The following AFG1L variants were observed in gnomAD, a reference collection of about 807,000 sequenced individuals.
The protein encoded by AFG1L is AFG1 like ATPase, also known as AFG1-like ATPase.
A neutral mutation model predicts 62.2 loss-of-function variants in AFG1L; 53 were observed. The ratio of observed to expected loss-of-function variants is 0.85; its 90% CI spans 0.68 to 1.07. The LOEUF (loss-of-function observed/expected upper bound fraction) is 1.07, where lower values mean the gene tolerates loss of function less well. Ranked by LOEUF, AFG1L falls within the 50% of genes least tolerant of loss-of-function variation. The probability of loss-of-function intolerance (pLI) is 0.00; values close to 1 mark genes in which losing one functional copy is unlikely to be tolerated. For missense variants in AFG1L, 555 were observed against 590.5 expected (o/e 0.94, Z 0.62); for synonymous variants, 228 against 210.3 (o/e 1.08, Z -0.73).
At chr6:108,448,862 T>C (rs1411509318) in intron 8 of AFG1L, among the ~76,000 whole-genome samples, 1 of 152,064 alleles carries the variant, frequency 6.6e-6, no homozygotes, top group East Asian at 1.9e-4. Context: ...AGTATATAAA[T>C]TCAAAGGCCA....
At chr6:108,458,010 A>G (rs910057268) in intron 8 of AFG1L, among the ~76,000 whole-genome samples, 2 of 151,772 alleles carry the variant, frequency 1.3e-5, no homozygotes, top group African/African-American at 4.8e-5. Flanking sequence ...TGAAAAGTCT[A>G]CTGGCATTCT....
chr6:108,360,447 T>C (rs1382361651), intron 5 of AFG1L, among the ~76,000 whole-genome samples: 3 of 152,204 alleles, frequency 2.0e-5, no homozygotes, highest in Non-Finnish European at 4.4e-5. Flanking sequence ...TTTTTTTCTG[T>C]TCCCAATTAT....
intron 10 of AFG1L, among the ~76,000 whole-genome samples, chr6:108,486,303 T>C (rs910328173): frequency 6.6e-6 from 1 of 152,238 alleles, no homozygotes; most frequent in African/African-American, 2.4e-5. Context: ...GTTTGTTTCC[T>C]ATCATAGAGT....
At chr6:108,355,053 C>A (rs1392234541) in intron 3 of AFG1L, among the ~76,000 whole-genome samples, 3 of 151,506 alleles carry the variant, frequency 2.0e-5, no homozygotes, top group Non-Finnish European at 4.4e-5. Flanking sequence ...ATATATGATT[C>A]ATGTTCAATA....
At chr6:108,316,237 C>T (rs1432824912) in intron 1 of AFG1L, among the ~76,000 whole-genome samples, 2 of 149,318 alleles carry the variant, frequency 1.3e-5, no homozygotes. Context: ...AAAAATTAGC[C>T]GGGCGTAGTG....
At chr6:108,408,571 A>G (rs901141142) in intron 7 of AFG1L, among the ~76,000 whole-genome samples, 1 of 152,186 alleles carries the variant, frequency 6.6e-6, no homozygotes, top group African/African-American at 2.4e-5. Flanking sequence ...GCAGTCTAGA[A>G]ATTGCCTCTA....
intron 8 of AFG1L, among the ~76,000 whole-genome samples, chr6:108,459,387 A>G (rs1772370574): frequency 6.6e-6 from 1 of 152,082 alleles, no homozygotes; most frequent in Non-Finnish European, 1.5e-5. Context: ...GGCTGAACTG[A>G]TTTGTTTCCC....
chr6:108,386,468 A>AAAAAG (rs992699558), intron 6 of AFG1L, among the ~76,000 whole-genome samples: 109 of 152,240 alleles, frequency 7.2e-4, no homozygotes, highest in African/African-American at 2.3e-3. Context: ...TCTCAAAAAA[A>AAAAAG]AAAAGAAAAG....
chr6:108,354,336 T>C (rs1189062714), intron 3 of AFG1L, among the ~76,000 whole-genome samples: 2 of 150,972 alleles, frequency 1.3e-5, no homozygotes, highest in Admixed American at 1.3e-4. Flanking sequence ...TAAGATGGAG[T>C]CTCTCTCTTG....
At chr6:108,503,547 T>C (rs978696204) in intron 10 of AFG1L, among the ~76,000 whole-genome samples, 10 of 152,306 alleles carry the variant, frequency 6.6e-5, no homozygotes, top group African/African-American at 2.4e-4. Flanking sequence ...TATAAAAAGA[T>C]GTGCTGTCAT....
At chr6:108,484,669 G>C (rs1431457844) in intron 10 of AFG1L, among the ~76,000 whole-genome samples, 1 of 152,138 alleles carries the variant, frequency 6.6e-6, no homozygotes, top group Non-Finnish European at 1.5e-5. Context: ...CCTAGACCTA[G>C]CCTATTTCAC....
At position 108,524,501 on chromosome 6, in the gene AFG1L, C is replaced by T. The variant is rs1349415419; in HGVS notation, c.*2076C>T. ...AATGTTAGTTGGGGTGCTGGTCAAACGCATAGAAGCCTATGTAATTCTCAG... is the reference window on the plus strand; with the variant it reads ...AATGTTAGTTGGGGTGCTGGTCAAATGCATAGAAGCCTATGTAATTCTCAG... On this transcript the variant is annotated 3_prime_UTR_variant, in exon 13 of 13. Coordinates refer to ENST00000368977, the MANE Select transcript of AFG1L (RefSeq NM_145315.5). 1 of 152,190 alleles carries T rather than the reference C, an allele frequency of 6.6e-6. No homozygotes were observed. The highest frequency in any genetic ancestry group is 2.4e-5 in the African/African-American group (1 of 41,444). 9.4% of individuals were successfully genotyped at this position (152,190 alleles called of 1,614,324 possible). A position where few individuals can be genotyped will look rare whatever the true frequency, so the allele number is the denominator to read the frequency against.
chr6:108,373,702 G>A (rs1002234904), intron 6 of AFG1L, among the ~76,000 whole-genome samples: 5 of 151,042 alleles, frequency 3.3e-5, no homozygotes, highest in East Asian at 1.9e-4. Flanking sequence ...TCAGCCTCTC[G>A]AGTAGCTGGG....
chr6:108,445,534 T>A (rs1382873524), intron 7 of AFG1L, among the ~76,000 whole-genome samples: 1 of 152,134 alleles, frequency 6.6e-6, no homozygotes. Flanking sequence ...GAGAGATGTG[T>A]GACTCTTCCT....
At chr6:108,318,517 A>G (rs1409774223) in intron 1 of AFG1L, 1 of 158,368 alleles carries the variant, frequency 6.3e-6, no homozygotes, top group Non-Finnish European at 1.4e-5. Context: ...GCCTGAGGAA[A>G]CTCATTTTTT....
At chr6:108,328,107 A>G (rs1778126304) in intron 2 of AFG1L, among the ~76,000 whole-genome samples, 1 of 152,216 alleles carries the variant, frequency 6.6e-6, no homozygotes, top group African/African-American at 2.4e-5. Context: ...GAACCAAAAA[A>G]TTTGAAAAAT....
chr6:108,477,820 T>C (rs983931782), intron 10 of AFG1L, among the ~76,000 whole-genome samples: 4 of 152,170 alleles, frequency 2.6e-5, no homozygotes, highest in African/African-American at 9.7e-5. Flanking sequence ...GAAAAAATGT[T>C]TAGCTGTATA....
intron 8 of AFG1L, among the ~76,000 whole-genome samples, chr6:108,471,152 A>AGGTG (rs1772875111): frequency 6.6e-6 from 1 of 152,200 alleles, no homozygotes; most frequent in Admixed American, 6.5e-5. Flanking sequence ...TCTTCCTAAA[A>AGGTG]GGTGACTAAG....
intron 4 of AFG1L, 105 bp downstream of exon 4, chr6:108,355,860 G>A: frequency 1.3e-6 from 1 of 788,998 alleles, no homozygotes; most frequent in South Asian, 1.6e-5. Context: ...ATTTTTGCTT[G>A]CAGTAAGATT....
Sources: gnomAD v4.1 joint callset for allele counts (sites outside exome capture counted in the v4.1 genomes callset) on GRCh38, gnomAD v4.1.1 for gene constraint, MANE v1.5 for transcripts, NCBI Gene and HGNC (gene_info 2026-07-23, HGNC 2026-07-21) for gene names.